Variants in CCDC110 observed in about 807,000 individuals in gnomAD.
CCDC110 encodes coiled-coil domain-containing protein 110.
A neutral mutation model predicts 77.1 loss-of-function variants in CCDC110; 70 were observed. The observed-to-expected ratio is 0.91, with a 90% CI of 0.75 to 1.11. The LOEUF (loss-of-function observed/expected upper bound fraction) is 1.11. CCDC110 is among the 50% of genes least tolerant of loss of function. The pLI, the probability that CCDC110 is intolerant of heterozygous loss-of-function variation, is 0.00. For missense variants in CCDC110, 868 were observed against 942.9 expected (o/e 0.92, Z 1.04); for synonymous variants, 295 against 312.5 (o/e 0.94, Z 0.59).
At position 185,461,126 on chromosome 4, in the gene CCDC110, T is replaced by C. The variant is rs2095645582; in HGVS notation, c.271A>G (p.Ser91Gly). 1.3e-6 allele frequency: 2 copies of C among 1,591,262 alleles called. No individual in the cohort carries two copies. The highest frequency in any genetic ancestry group is 4.5e-5 in the East Asian group (2 of 44,662). ...QSEISEILNK[S>G]IIEVENPQFS... ...TGTGGGTTTTCTACTTCAATAATAC[T>C]TTTGTTCAATATTTCACTGATTTCC... The change falls in exon 5 of 7, where the codon AGT becomes GGT. Residue 91 changes from serine to glycine, a missense_variant. Ser to Gly is a moderately conservative substitution (Grantham distance 56, BLOSUM62 0). Transcript: ENST00000307588.
At chr4:185,462,472 CAGAG>C (rs1204955970) in intron 4 of CCDC110, among the ~76,000 whole-genome samples, 167 bp downstream of exon 4, 2 of 152,026 alleles carry the variant, frequency 1.3e-5, no homozygotes, top group East Asian at 3.8e-4. Flanking sequence ...ACAAGTATAA[CAGAG>C]AGAAGAATGT....
At chr4:185,455,763 A>G (rs993356811) in intron 6 of CCDC110, among the ~76,000 whole-genome samples, 4 of 152,052 alleles carry the variant, frequency 2.6e-5, no homozygotes, top group Admixed American at 6.6e-5. Flanking sequence ...GGCGCCTGTA[A>G]TCTCAGCTAC....
intron 6 of CCDC110, among the ~76,000 whole-genome samples, chr4:185,448,177 C>T (rs573184504): frequency 2.0e-5 from 3 of 152,138 alleles, no homozygotes; most frequent in African/African-American, 7.2e-5. Context: ...CCCACCACCA[C>T]GCCCAGCTAA....
chr4:185,447,252 G>A (rs932025650), intron 6 of CCDC110, among the ~76,000 whole-genome samples: 2 of 151,668 alleles, frequency 1.3e-5, no homozygotes, highest in Non-Finnish European at 2.9e-5. Flanking sequence ...CACGATCTCG[G>A]CTCACTGCAA....
Position 185,458,792 on chromosome 4 carries a change from T to G in CCDC110, c.1795A>C (p.Lys599Gln), listed in dbSNP as rs1030083087. The part of the protein sequence containing the change: ...EKKTHQLLKE[K>Q]SSLGNELKES... ...TTTAGTTCATTTCCAAGTGAGCTTTTTTCTTTTAGAAGCTGGTGTGTTTTT... is the reference window on the plus strand; with the variant it reads ...TTTAGTTCATTTCCAAGTGAGCTTTGTTCTTTTAGAAGCTGGTGTGTTTTT... Residue 599 changes from lysine to glutamine, a missense_variant, in exon 6 of 7, where the codon AAA (lysine) becomes CAA (glutamine). Coordinates refer to ENST00000307588, the MANE Select transcript of CCDC110 (RefSeq NM_152775.4). 1 of 1,610,744 alleles carries G rather than the reference T, an allele frequency of 6.2e-7. No individual in the cohort carries two copies. The highest frequency in any genetic ancestry group is 1.1e-5 in the South Asian group (1 of 90,024).
intron 1 of CCDC110, 26 bp from the exon 2 acceptor site, chr4:185,471,075 T>C (rs758134603): frequency 6.6e-6 from 9 of 1,371,228 alleles, no homozygotes; most frequent in South Asian, 1.2e-5. Context: ...CCGGGGCTGT[T>C]CTGTCGCGGG....
intron 6 of CCDC110, among the ~76,000 whole-genome samples, chr4:185,452,035 T>G (rs1022991214): frequency 3.2e-4 from 48 of 152,254 alleles, no homozygotes; most frequent in African/African-American, 1.1e-3. Flanking sequence ...TTAAGATTTT[T>G]CTAAGTGTCA....
Position 185,458,279 on chromosome 4 carries a change from C to A in CCDC110, c.2308G>T (p.Glu770Ter). Residue 770 changes from glutamate (E) to a stop codon, truncating the protein, a stop_gained, in exon 6 of 7, where the codon GAA becomes TAA. Transcript: ENST00000307588. LOFTEE classifies it high-confidence loss of function. The stretch of plus-strand genomic sequence containing the variant: ...ATTTTATCACTTAAACTTAAATATT[C>A]TCGTTGAAGATGCCGCATCTCAAAT... ...LEFEMRHLQR[E>*]YLSLSDKICN... 1 of 1,598,294 alleles carries A rather than the reference C, an allele frequency of 6.3e-7. No individual in the cohort carries two copies.
chr4:185,451,468 T>C (rs915980589), intron 6 of CCDC110, among the ~76,000 whole-genome samples: 8 of 152,318 alleles, frequency 5.3e-5, no homozygotes, highest in African/African-American at 1.7e-4. Context: ...CAGATAATTT[T>C]TACAATTAAG....
Position 185,459,748 on chromosome 4 carries a change from T to C in CCDC110, c.839A>G (p.Lys280Arg), listed in dbSNP as rs1490971806. Reference sequence around the variant, plus strand: ...CTGGTGAATAGGGGACATGTCATATTTACCATTCCTGTGAACATCTGGATC... The same window carrying C: ...CTGGTGAATAGGGGACATGTCATATCTACCATTCCTGTGAACATCTGGATC... ...QTDPDVHRNG[K>R]YDMSPIHQDK... The change falls in exon 6 of 7, where the codon AAA becomes AGA. Residue 280 changes from lysine to arginine, a missense_variant. Transcript: ENST00000307588. 1.2e-6 allele frequency: 2 copies of C among 1,613,618 alleles called. No individual in the cohort carries two copies. Among genetic ancestry groups the C allele is most frequent in the Non-Finnish European group, 1.7e-6 (2 of 1,179,906 alleles).
In CCDC110 at chr4:185,460,123, G is replaced by A. The variant is rs201566074; in HGVS notation, c.464C>T (p.Pro155Leu). 2.0e-4 allele frequency: 325 copies of A among 1,613,562 alleles called. 2 individuals carry two copies. In the South Asian group the frequency reaches 3.3e-3, roughly 16 times the overall value. ...CTGGGATGGAACATTTACACTTTGA[G>A]GGAGACTGTTCACACTATCACCACT... ...KLSGDSVNSL[P>L]QSVNVPSQIH... The change falls in exon 6 of 7, where the codon CCT becomes CTT. Residue 155 changes from proline to leucine, a missense_variant. Pro to Leu is a moderately conservative substitution (Grantham distance 98, BLOSUM62 -3). Coordinates refer to ENST00000307588, the MANE Select transcript of CCDC110 (RefSeq NM_152775.4).
At position 185,459,921 on chromosome 4, in the gene CCDC110, T is replaced by C. The variant is rs373736344; in HGVS notation, c.666A>G (p.Lys222=). The change falls in exon 6 of 7, where the codon AAA becomes AAG. Residue 222 remains lysine, a synonymous_variant. Transcript: ENST00000307588. ...TGAGAAAAGGCACAGTAATTTTGGA[T>C]TTATCCAGAATTACTGTATCAGCTT... The part of the protein sequence containing the change: ...MSQADTVILD[K]SKITVPFLKH... 4.3e-6 allele frequency: 7 copies of C among 1,613,798 alleles called. No individual in the cohort carries two copies. Among genetic ancestry groups the C allele is most frequent in the Non-Finnish European group, 5.1e-6 (6 of 1,179,934 alleles).
At chr4:185,470,814 C>T (rs1580208220) in intron 2 of CCDC110, 131 bp downstream of exon 2, 1 of 760,210 alleles carries the variant, frequency 1.3e-6, no homozygotes. Flanking sequence ...TGGCACAAAG[C>T]GCGAGTGCCG....
intron 4 of CCDC110, 138 bp downstream of exon 4, chr4:185,462,503 ATT>A: frequency 1.5e-6 from 1 of 647,292 alleles, no homozygotes; most frequent in South Asian, 2.0e-5. Flanking sequence ...TTTAAAATAA[ATT>A]TTGAGCCTAG....
chr4:185,455,064 T>G (rs2095634152), intron 6 of CCDC110, among the ~76,000 whole-genome samples: 1 of 152,230 alleles, frequency 6.6e-6, no homozygotes, highest in South Asian at 2.1e-4. Context: ...GAGTGTCTGC[T>G]ATATTCCAGG....
intron 4 of CCDC110, among the ~76,000 whole-genome samples, chr4:185,461,927 G>A (rs1298730853): frequency 6.6e-6 from 1 of 152,116 alleles, no homozygotes; most frequent in Admixed American, 6.6e-5. Context: ...GCGAAACCTG[G>A]TCTCTACTAA....
Position 185,460,178 on chromosome 4 carries a change from T to C in CCDC110, c.409A>G (p.Lys137Glu), listed in dbSNP as rs962995793. Residue 137 changes from lysine (K) to glutamate (E), a missense_variant, in exon 6 of 7, where the codon AAG becomes GAG. Physicochemically the swap from Lys to Glu is moderately conservative, Grantham distance 56. Transcript: ENST00000307588. ...TTTTCTTCCACTGAATGAAGTGTCT[T>C]GGAATCCTCAAAATGATGACTTTTC... ...MEKSHHFEDSKTLHSVEEKLS... is the reference protein window; with the variant it reads ...MEKSHHFEDSETLHSVEEKLS... 1 of 1,611,596 alleles carries C rather than the reference T, an allele frequency of 6.2e-7. No homozygotes were observed. Among genetic ancestry groups the C allele is most frequent in the Non-Finnish European group, 8.5e-7 (1 of 1,179,796 alleles).
chr4:185,462,652 AT>A lies in CCDC110; in HGVS notation c.227del (p.Asn76MetfsTer13). ...FQALRMQTLQ[N>X]VSMVQSEISE... Reference sequence around the variant, plus strand: ...ATCAAAAGAAACATACCATGCTGACATTCTGCAAAGTCTGCATTCGCAAAGC... The same window carrying A: ...ATCAAAAGAAACATACCATGCTGACATCTGCAAAGTCTGCATTCGCAAAGC... On this transcript the variant is annotated frameshift_variant, in exon 4 of 7. Coordinates refer to ENST00000307588, the MANE Select transcript of CCDC110 (RefSeq NM_152775.4). LOFTEE classifies it high-confidence loss of function. 6.2e-7 allele frequency: 1 copy of A among 1,612,874 alleles called. No homozygotes were observed. The highest frequency in any genetic ancestry group is 1.1e-5 in the South Asian group (1 of 91,050).
chr4:185,466,226 T>A lies in CCDC110; in HGVS notation c.116-3177A>T, dbSNP rs547108845. 3.4e-3 allele frequency among the ~76,000 whole-genome samples: 510 copies of A among 151,940 alleles called. 1 individual carries two copies. The highest frequency in any genetic ancestry group is 0.012 in the African/African-American group (490 of 41,442). ...CTGTCTCTACTAAAAATACAAAAAA[T>A]TTGCTGGGTGTGGTGGCATGTGCCT... On this transcript the variant is annotated intron_variant, in intron 2 of 6. Transcript: ENST00000307588.
Sources: gnomAD v4.1 joint callset for allele counts (sites outside exome capture counted in the v4.1 genomes callset) on GRCh38, gnomAD v4.1.1 for gene constraint, MANE v1.5 for transcripts, NCBI Gene and HGNC (gene_info 2026-07-23, HGNC 2026-07-21) for gene names.